NIPBL: variants seen among roughly 807,000 people sequenced by gnomAD.
The protein encoded by NIPBL is NIPBL cohesin loading factor, also known as nipped-B-like protein.
A neutral mutation model predicts 321.8 loss-of-function variants in NIPBL; 19 were observed. That is an observed-to-expected ratio of 0.06 (90% CI 0.04 to 0.09). The LOEUF (loss-of-function observed/expected upper bound fraction) is 0.09, where lower values mean the gene tolerates loss of function less well. Among genes scored for constraint, NIPBL ranks in the 10% least tolerant of loss-of-function variants. The pLI is 1.00. For missense variants in NIPBL, 2,210 were observed against 3,327.0 expected, an observed-to-expected ratio of 0.66 and a Z score of 8.26; for synonymous variants, 1,106 against 1,114.1, an observed-to-expected ratio of 0.99 and a Z score of 0.14.
In NIPBL at chr5:36,885,633, C is replaced by T. The variant is rs1350545174; in HGVS notation, c.-80+8455C>T. ...CTGAGGGCTCAGATCTTTGCAAATA[C>T]TGTGGACAATGCCTGCATTGTTCTG... On this transcript the variant is annotated intron_variant, in intron 1 of 46. Transcript: ENST00000282516. 3 of 540,610 alleles carry T rather than the reference C, an allele frequency of 5.5e-6. No homozygotes were observed. In the East Asian group the frequency reaches 1.4e-4, roughly 25 times the overall value. 33.5% of individuals were successfully genotyped at this position (540,610 alleles called of 1,614,324 possible). A position where few individuals can be genotyped will look rare whatever the true frequency, so the allele number is the denominator to read the frequency against.
chr5:37,065,903 T>A lies in NIPBL; in HGVS notation c.*1011T>A, dbSNP rs939876066. ...AACCTCGGGTAAAGGTAACCTGTTA[T>A]TTGGAAAACCAGCATTTCTCTTGGT... On this transcript the variant is annotated 3_prime_UTR_variant, in exon 47 of 47. Transcript: ENST00000282516. The A allele has an allele frequency of 6.6e-6, 1 of 152,568 alleles. No individual in the cohort carries two copies. The highest frequency in any genetic ancestry group is 1.5e-5 in the Non-Finnish European group (1 of 68,014). 9.5% of individuals were successfully genotyped at this position (152,568 alleles called of 1,614,324 possible).
At chr5:37,038,180 C>A (rs868162400) in intron 33 of NIPBL, among the ~76,000 whole-genome samples, 1 of 151,848 alleles carries the variant, frequency 6.6e-6, no homozygotes, top group South Asian at 2.1e-4. Flanking sequence ...TGTAGAGATG[C>A]AGTTTTTGCG....
At chr5:36,995,451 ATATT>A (rs1746031857) in intron 10 of NIPBL, 167 bp from the exon 11 acceptor site, 3 of 583,128 alleles carry the variant, frequency 5.1e-6, no homozygotes, top group African/African-American at 1.9e-5. Context: ...ACATACATAT[ATATT>A]AACTATATTG....
chr5:37,061,581 A>T (rs1358326897), intron 45 of NIPBL, among the ~76,000 whole-genome samples: 1 of 152,090 alleles, frequency 6.6e-6, no homozygotes, highest in Non-Finnish European at 1.5e-5. Flanking sequence ...CAGGAGGCTG[A>T]GGCAGGAGAA....
intron 1 of NIPBL, chr5:36,886,268 A>C: frequency 1.5e-6 from 1 of 669,148 alleles, no homozygotes; most frequent in East Asian, 2.8e-5. Flanking sequence ...ACCCAGGCAG[A>C]GGGGCAGCAC....
chr5:37,038,810 C>A, intron 34 of NIPBL, 72 bp downstream of exon 34: 1 of 1,455,108 alleles, frequency 6.9e-7, no homozygotes, highest in Non-Finnish European at 9.5e-7. Context: ...AGTTCACATG[C>A]GTCAACCACA....
intron 11 of NIPBL, among the ~76,000 whole-genome samples, chr5:36,998,796 CTTATA>C (rs1188047931): frequency 6.6e-6 from 1 of 152,090 alleles, no homozygotes; most frequent in African/African-American, 2.4e-5. Context: ...ACACACCCTA[CTTATA>C]TTAGTGTATG....
chr5:37,052,610 A>G, intron 42 of NIPBL, 44 bp downstream of exon 42: 1 of 1,460,966 alleles, frequency 6.8e-7, no homozygotes, highest in Non-Finnish European at 9.6e-7. Context: ...AGTGCTCTAG[A>G]AATTTTATGG....
intron 1 of NIPBL, among the ~76,000 whole-genome samples, chr5:36,884,418 T>C (rs930263530): frequency 2.0e-5 from 3 of 152,202 alleles, no homozygotes; most frequent in Non-Finnish European, 4.4e-5. Context: ...TATAGACATA[T>C]ATTACTTTTC....
At chr5:36,907,339 A>T (rs1747715013) in intron 1 of NIPBL, among the ~76,000 whole-genome samples, 1 of 152,112 alleles carries the variant, frequency 6.6e-6, no homozygotes, top group Non-Finnish European at 1.5e-5. Flanking sequence ...ATTTTTTCTC[A>T]CTTAATCTTC....
chr5:37,016,179 A>G lies in NIPBL; in HGVS notation c.4776+9A>G. 6.2e-7 allele frequency: 1 copy of G among 1,613,048 alleles called. No individual in the cohort carries two copies. Among genetic ancestry groups the G allele is most frequent in the Non-Finnish European group, 8.5e-7 (1 of 1,179,124 alleles). ...TGTTAGGGAGACTGTTGGTAAGAGT[A>G]TAGCATTTAAAGATTATTAGATTAC... On this transcript the variant is annotated intron_variant, in intron 23 of 46. Coordinates refer to ENST00000282516, the MANE Select transcript of NIPBL (RefSeq NM_133433.4).
intron 34 of NIPBL, among the ~76,000 whole-genome samples, chr5:37,043,309 C>T (rs1363687081): frequency 6.6e-6 from 1 of 151,960 alleles, no homozygotes; most frequent in Admixed American, 6.5e-5. Flanking sequence ...GCAGGTGGAT[C>T]ACGAGGTCGT....
chr5:36,965,943 C>T (rs1742155952), intron 6 of NIPBL, among the ~76,000 whole-genome samples: 1 of 151,854 alleles, frequency 6.6e-6, no homozygotes, highest in Non-Finnish European at 1.5e-5. Context: ...CTTTATATTA[C>T]AAAAATTTAA....
At position 37,048,690 on chromosome 5, in the gene NIPBL, A is replaced by G. The variant is rs771375403; in HGVS notation, c.6763+15A>G. ...AGATAGAGACTGTAAGTGAAAATAT[A>G]TTTTTAAATTTCATAGCTACATTTA... On this transcript the variant is annotated intron_variant, in intron 39 of 46. Coordinates refer to ENST00000282516, the MANE Select transcript of NIPBL (RefSeq NM_133433.4). 3.2e-6 allele frequency: 5 copies of G among 1,569,464 alleles called. No homozygotes were observed. Among genetic ancestry groups the G allele is most frequent in the Middle Eastern group, 1.8e-4 (1 of 5,428 alleles).
chr5:36,936,075 T>G (rs931365566), intron 1 of NIPBL, among the ~76,000 whole-genome samples: 3 of 152,182 alleles, frequency 2.0e-5, no homozygotes, highest in African/African-American at 7.2e-5. Context: ...GTTTCACATT[T>G]CAATAAACTA....
At chr5:36,987,008 A>T (rs1033715729) in intron 10 of NIPBL, among the ~76,000 whole-genome samples, 1 of 152,148 alleles carries the variant, frequency 6.6e-6, no homozygotes, top group Non-Finnish European at 1.5e-5. Context: ...CAGAAGATAT[A>T]CTTCTGTATC....
chr5:36,887,543 C>T (rs1181323771), intron 1 of NIPBL, among the ~76,000 whole-genome samples: 1 of 152,178 alleles, frequency 6.6e-6, no homozygotes, highest in African/African-American at 2.4e-5. Flanking sequence ...GAAACAGCTT[C>T]ATCTCTGGGA....
intron 1 of NIPBL, among the ~76,000 whole-genome samples, chr5:36,907,292 T>C (rs562892635): frequency 2.0e-5 from 3 of 152,192 alleles, no homozygotes; most frequent in African/African-American, 4.8e-5. Flanking sequence ...TTCTTGGTCT[T>C]ATAATTGTAA....
At chr5:36,964,043 G>A (rs1008411117) in intron 6 of NIPBL, among the ~76,000 whole-genome samples, 1 of 151,996 alleles carries the variant, frequency 6.6e-6, no homozygotes, top group African/African-American at 2.4e-5. Flanking sequence ...ATTAACTTAG[G>A]TTTTTAATGT....
Sources: gnomAD v4.1 joint callset for allele counts (sites outside exome capture counted in the v4.1 genomes callset) on GRCh38, gnomAD v4.1.1 for gene constraint, MANE v1.5 for transcripts, NCBI Gene and HGNC (gene_info 2026-07-23, HGNC 2026-07-21) for gene names.